Variants in RALB observed in about 807,000 individuals in gnomAD.
The protein encoded by RALB is RAS like proto-oncogene B, also known as ras-related protein Ral-B.
In RALB, 16 loss-of-function variants were observed where a neutral mutation model predicts 21.3. The ratio of observed to expected loss-of-function variants is 0.75; its 90% CI spans 0.51 to 1.14. The LOEUF is 1.14. RALB is among the 50% of genes most tolerant of loss of function. The pLI, the probability that RALB is intolerant of heterozygous loss-of-function variation, is 0.00. For missense variants in RALB, 161 were observed against 256.2 expected, an observed-to-expected ratio of 0.63 and a Z score of 2.54; for synonymous variants, 93 against 96.1, an observed-to-expected ratio of 0.97 and a Z score of 0.19.
chr2:120,252,843 G>A (rs957419859), upstream of RALB: 3 of 985,530 alleles, frequency 3.0e-6, no homozygotes, highest in South Asian at 4.7e-5. Flanking sequence ...AGGCGCGCTC[G>A]GGGGGTGGGA....
Position 120,240,588 on chromosome 2 carries a change from C to A in RALB, c.19+463C>A, listed in dbSNP as rs547465751. ...TGCTGGGATCACAGGTGTGAGCCAC[C>A]GCACCTGGCAGGAGCTGCTATTTGA... On this transcript the variant is annotated intron_variant, in intron 1 of 3. Transcript: ENST00000447591. Among the ~76,000 whole-genome samples the A allele has an allele frequency of 2.6e-5, 4 of 152,230 alleles. No individual in the cohort carries two copies. In the South Asian group the frequency reaches 8.3e-4, roughly 32 times the overall value.
intron 1 of RALB, among the ~76,000 whole-genome samples, chr2:120,265,192 C>A (rs116325741): frequency 4.6e-5 from 7 of 152,346 alleles, no homozygotes; most frequent in African/African-American, 1.7e-4. Flanking sequence ...GGTATACTTA[C>A]ACAAGCCTAG....
chr2:120,286,280 G>C (rs766705338), intron 3 of RALB, among the ~76,000 whole-genome samples, 198 bp downstream of exon 3: 2 of 152,058 alleles, frequency 1.3e-5, no homozygotes, highest in Non-Finnish European at 2.9e-5. Context: ...TAATCTCTTT[G>C]GGCTTTCCTG....
chr2:120,290,915 A>G (rs140148941), intron 4 of RALB, among the ~76,000 whole-genome samples: 62 of 152,384 alleles, frequency 4.1e-4, no homozygotes, highest in African/African-American at 1.4e-3. Flanking sequence ...ATCTAAGCAC[A>G]TAGCACTTTG....
intron 1 of RALB, among the ~76,000 whole-genome samples, chr2:120,241,925 C>T (rs902819840): frequency 1.3e-5 from 2 of 152,042 alleles, no homozygotes; most frequent in Admixed American, 6.5e-5. Context: ...AGTGTATACC[C>T]GACAGAATTG....
chr2:120,256,766 C>T (rs1348617140), intron 1 of RALB, among the ~76,000 whole-genome samples: 1 of 152,204 alleles, frequency 6.6e-6, no homozygotes, highest in Non-Finnish European at 1.5e-5. Flanking sequence ...CATACCATCC[C>T]TTCTACCAGC....
At chr2:120,267,822 C>T (rs1029376143) in intron 1 of RALB, among the ~76,000 whole-genome samples, 2 of 152,196 alleles carry the variant, frequency 1.3e-5, no homozygotes, top group African/African-American at 2.4e-5. Context: ...GATGGAGTCT[C>T]GCTGAGTTTG....
chr2:120,259,939 C>G (rs943893963), intron 1 of RALB, among the ~76,000 whole-genome samples: 5 of 152,214 alleles, frequency 3.3e-5, no homozygotes, highest in Admixed American at 3.3e-4. Flanking sequence ...AGCGCAGTGC[C>G]GGTGGGCCAG....
chr2:120,283,177 C>T lies in RALB; in HGVS notation c.115-2697C>T, dbSNP rs539775881. Among the ~76,000 whole-genome samples, 29 of 152,222 alleles carry T rather than the reference C, an allele frequency of 1.9e-4. 1 individual carries two copies. Among genetic ancestry groups the T allele is most frequent in the African/African-American group, 6.7e-4 (28 of 41,510 alleles). ...AATTGAGCTCTGTGTTCAGGGAGGC[C>T]GGCTGTCTAAATCAAGCTTGTCCAA... On this transcript the variant is annotated intron_variant, in intron 2 of 4. Coordinates refer to ENST00000272519, the MANE Select transcript of RALB (RefSeq NM_002881.3).
intron 2 of RALB, among the ~76,000 whole-genome samples, chr2:120,281,157 G>T (rs1197242291): frequency 6.6e-6 from 1 of 152,148 alleles, no homozygotes; most frequent in Non-Finnish European, 1.5e-5. Context: ...TGAGGCGTGG[G>T]GGTCCTCTTC....
chr2:120,277,877 A>G (rs565809304), intron 1 of RALB, among the ~76,000 whole-genome samples: 1,514 of 149,624 alleles, frequency 0.01, 40 homozygotes, highest in African/African-American at 0.036. Flanking sequence ...ATGTGAGAAC[A>G]TGAGTGTGAA....
At position 120,294,240 on chromosome 2, in the gene RALB, C is replaced by G; in HGVS notation, c.*980C>G. On this transcript the variant is annotated 3_prime_UTR_variant, in exon 5 of 5. Transcript: ENST00000272519. ...AAAGTTGTATTCTGAAATCATGAAG[C>G]CAGAGCCTGTGCCAGACCTTCTGCT... The G allele has an allele frequency of 5.0e-6, 2 of 398,588 alleles. No homozygotes were observed. The highest frequency in any genetic ancestry group is 8.8e-6 in the Non-Finnish European group (2 of 226,046). 24.7% of individuals were successfully genotyped at this position (398,588 alleles called of 1,614,324 possible). A position where few individuals can be genotyped will look rare whatever the true frequency, so the allele number is the denominator to read the frequency against.
intron 2 of RALB, chr2:120,280,774 CAA>C (rs34186672): frequency 0.026 from 8,989 of 351,272 alleles, 216 homozygotes; most frequent in East Asian, 0.074. Flanking sequence ...GCTGTCAGAA[CAA>C]AAGACATTTT....
chr2:120,252,999 CG>C lies in RALB; in HGVS notation c.-48+22del. ...GTCCCTGGTAAGGGCGCGGCGCCCGCGGGCCCCGGGCGGGGTGGGGCGCGGG... is the reference window on the plus strand; with the variant it reads ...GTCCCTGGTAAGGGCGCGGCGCCCGCGGCCCCGGGCGGGGTGGGGCGCGGG... On this transcript the variant is annotated intron_variant, in intron 1 of 4. Coordinates refer to ENST00000272519, the MANE Select transcript of RALB (RefSeq NM_002881.3). The C allele has an allele frequency of 9.1e-6, 9 of 984,440 alleles. No homozygotes were observed. Among genetic ancestry groups the C allele is most frequent in the Non-Finnish European group, 1.1e-5 (9 of 829,408 alleles). 61.0% of individuals were successfully genotyped at this position (984,440 alleles called of 1,614,324 possible). A position where few individuals can be genotyped will look rare whatever the true frequency, so the allele number is the denominator to read the frequency against.
chr2:120,245,721 G>A (rs1224297540), intron 1 of RALB, among the ~76,000 whole-genome samples: 2 of 152,112 alleles, frequency 1.3e-5, no homozygotes, highest in Non-Finnish European at 1.5e-5. Flanking sequence ...CCCCTCCCCC[G>A]GGGCAGGGTG....
At chr2:120,264,797 C>T (rs1211279601) in intron 1 of RALB, among the ~76,000 whole-genome samples, 1 of 152,138 alleles carries the variant, frequency 6.6e-6, no homozygotes, top group East Asian at 1.9e-4. Flanking sequence ...GCCATTCTAT[C>T]CTGCTTTCTG....
chr2:120,269,290 C>G (rs1002893523), intron 1 of RALB, among the ~76,000 whole-genome samples: 7 of 152,146 alleles, frequency 4.6e-5, no homozygotes, highest in Admixed American at 6.5e-5. Context: ...AAGAATGAAG[C>G]CGCAAACCTT....
intron 1 of RALB, among the ~76,000 whole-genome samples, chr2:120,265,813 C>A (rs1689488467): frequency 6.6e-6 from 1 of 152,198 alleles, no homozygotes; most frequent in Non-Finnish European, 1.5e-5. Flanking sequence ...CTGTTTAAGT[C>A]TCTAAATAGG....
At chr2:120,253,269 A>T (rs1689106521) in intron 1 of RALB, 1 of 534,180 alleles carries the variant, frequency 1.9e-6, no homozygotes, top group Non-Finnish European at 2.4e-6. Flanking sequence ...TATCCCGCAG[A>T]TGGCTCTGCT....
Sources: allele counts gnomAD v4.1 joint callset (sites outside exome capture counted in the v4.1 genomes callset), GRCh38; gene constraint gnomAD v4.1.1; transcripts MANE v1.5; gene names NCBI Gene and HGNC (gene_info 2026-07-23, HGNC 2026-07-21).